The following EYA4 variants were observed in gnomAD, a reference collection of about 807,000 sequenced individuals.
The protein encoded by EYA4 is EYA transcriptional coactivator and phosphatase 4.
A neutral mutation model predicts 87.9 loss-of-function variants in EYA4; 31 were observed. The ratio of observed to expected loss-of-function variants is 0.35; its 90% CI spans 0.27 to 0.48. The LOEUF (loss-of-function observed/expected upper bound fraction) is 0.48, where lower values mean the gene tolerates loss of function less well. Ranked by LOEUF, EYA4 falls within the 20% of genes least tolerant of loss-of-function variation. The pLI is 0.99. For synonymous variants in EYA4, 263 were observed against 270.6 expected, an observed-to-expected ratio of 0.97 and a Z score of 0.28; for missense variants, 678 against 761.4, an observed-to-expected ratio of 0.89 and a Z score of 1.29.
intron 2 of EYA4, among the ~76,000 whole-genome samples, chr6:133,342,574 C>CATATATATATATATATATATATAT (rs56987430): frequency 4.0e-5 from 4 of 100,468 alleles, no homozygotes; most frequent in South Asian, 5.9e-4. Flanking sequence ...TACACACTGC[C>CATATATATATATATATATATATAT]ATATATATAT....
chr6:133,456,607 C>T lies in EYA4; in HGVS notation c.329C>T (p.Ala110Val), dbSNP rs746012898. Residue 110 changes from alanine to valine, a missense_variant, in exon 6 of 20, where the codon GCC (alanine) becomes GTC (valine). By Grantham distance (64) the Ala-to-Val change is moderately conservative. Transcript: ENST00000355286. Reference protein sequence around the residue: ...TEPLNSSETTATTGDGALDTF... With the variant: ...TEPLNSSETTVTTGDGALDTF... ...CCCTTGAACAGCAGTGAAACCACAG[C>T]CACGACTGGAGATGGAGCGCTTGAC... The T allele has an allele frequency of 1.9e-6, 3 of 1,613,494 alleles. No individual in the cohort carries two copies. Among genetic ancestry groups the T allele is most frequent in the East Asian group, 4.5e-5 (2 of 44,872 alleles).
intron 2 of EYA4, among the ~76,000 whole-genome samples, chr6:133,344,228 A>G (rs752672119): frequency 2.0e-5 from 3 of 152,350 alleles, no homozygotes; most frequent in South Asian, 2.1e-4. Flanking sequence ...CTTTGTCTAC[A>G]TGACTTGTCT....
chr6:133,369,211 A>T (rs1785079936), intron 2 of EYA4, among the ~76,000 whole-genome samples: 1 of 152,124 alleles, frequency 6.6e-6, no homozygotes, highest in African/African-American at 2.4e-5. Flanking sequence ...TATTTTTCAT[A>T]AGCTATTAGA....
In EYA4 at chr6:133,525,175, G is replaced by C. The variant is rs746014018; in HGVS notation, c.1760G>C (p.Arg587Pro). The C allele has an allele frequency of 2.5e-6, 4 of 1,613,734 alleles. No homozygotes were observed. Among genetic ancestry groups the C allele is most frequent in the Non-Finnish European group, 3.4e-6 (4 of 1,179,752 alleles). Reference sequence around the variant, plus strand: ...CCAGGAAAAGAAAGTTGCTTTGAACGAATAATGCAAAGGTTTGGCAGAAAA... The same window carrying C: ...CCAGGAAAAGAAAGTTGCTTTGAACCAATAATGCAAAGGTTTGGCAGAAAA... ...TKIGKESCFE[R>P]IMQRFGRKVV... The change falls in exon 19 of 20, where the codon CGA becomes CCA. Residue 587 changes from arginine (R) to proline (P), a missense_variant. Coordinates refer to ENST00000355286, the MANE Select transcript of EYA4 (RefSeq NM_004100.5).
At chr6:133,355,023 A>T (rs1322002732) in intron 2 of EYA4, among the ~76,000 whole-genome samples, 2 of 152,236 alleles carry the variant, frequency 1.3e-5, no homozygotes, top group Non-Finnish European at 2.9e-5. Flanking sequence ...CCTTTTGGGT[A>T]CATAGATATC....
intron 2 of EYA4, among the ~76,000 whole-genome samples, chr6:133,334,192 G>A (rs1033304647): frequency 6.6e-5 from 10 of 152,164 alleles, no homozygotes; most frequent in East Asian, 1.9e-4. Context: ...ACAGAAATTC[G>A]AATTAGCAGA....
intron 3 of EYA4, among the ~76,000 whole-genome samples, chr6:133,394,215 A>T (rs887188590): frequency 6.6e-6 from 1 of 150,494 alleles, no homozygotes; most frequent in Non-Finnish European, 1.5e-5. Context: ...ACTTTTTCTA[A>T]ATATTTACAT....
chr6:133,445,142 A>G (rs1792684369), intron 3 of EYA4, among the ~76,000 whole-genome samples: 1 of 152,130 alleles, frequency 6.6e-6, no homozygotes, highest in Non-Finnish European at 1.5e-5. Context: ...AGATTACTCC[A>G]TGTACCCTAA....
intron 3 of EYA4, among the ~76,000 whole-genome samples, chr6:133,383,275 A>C (rs1222310155): frequency 6.6e-6 from 1 of 152,136 alleles, no homozygotes; most frequent in Non-Finnish European, 1.5e-5. Flanking sequence ...GTTAATGGCC[A>C]AGGCCAAGGT....
chr6:133,269,517 G>GT (rs11405072), intron 1 of EYA4, among the ~76,000 whole-genome samples: 152,340 of 152,342 alleles, frequency 1, 76,169 homozygotes, highest in Middle Eastern at 1. Context: ...CTGTGTCTCT[G>GT]TTATATATGC....
Position 133,470,158 on chromosome 6 carries a change from C to A in EYA4, c.970+1427C>A, listed in dbSNP as rs571796593. On this transcript the variant is annotated intron_variant, in intron 11 of 19. Transcript: ENST00000355286. ...GCTTTTGGTGTTTTGGACATGAAGT[C>A]CTTGCCCACGCCTATGTCCTGAATG... is the stretch of plus-strand genomic sequence containing the variant. 3.0e-4 allele frequency among the ~76,000 whole-genome samples: 44 copies of A among 147,332 alleles called. No individual in the cohort carries two copies. In the South Asian group the frequency reaches 9.4e-3, roughly 31 times the overall value.
chr6:133,295,767 T>C (rs1170426652), intron 2 of EYA4, among the ~76,000 whole-genome samples: 2 of 152,214 alleles, frequency 1.3e-5, no homozygotes, highest in Non-Finnish European at 2.9e-5. Flanking sequence ...TACTCTGCTA[T>C]ATCATATTTA....
At chr6:133,335,947 A>G (rs1323994924) in intron 2 of EYA4, among the ~76,000 whole-genome samples, 1 of 152,186 alleles carries the variant, frequency 6.6e-6, no homozygotes, top group African/African-American at 2.4e-5. Context: ...CATAGGTTAG[A>G]GGCATTAATA....
intron 2 of EYA4, among the ~76,000 whole-genome samples, chr6:133,378,934 T>TGTGTGTGTGTGA (rs1205304037): frequency 1.6e-5 from 2 of 125,560 alleles, no homozygotes; most frequent in African/African-American, 5.1e-5. Context: ...TTGGTGTGTG[T>TGTGTGTGTGTGA]GTGTGTGTGT....
In EYA4 at chr6:133,412,719, C is replaced by T. The variant is rs148252543; in HGVS notation, c.83+30278C>T. On this transcript the variant is annotated intron_variant, in intron 3 of 19. Coordinates refer to ENST00000355286, the MANE Select transcript of EYA4 (RefSeq NM_004100.5). ...GAATGATCTTTGCTTGTTTCCTATT[C>T]AGCATAGATCTCATGGCTCACCTTT... is the stretch of plus-strand genomic sequence containing the variant. Among the ~76,000 whole-genome samples, 115 of 152,270 alleles carry T rather than the reference C, an allele frequency of 7.6e-4. 1 individual carries two copies. The highest frequency in any genetic ancestry group is 2.7e-3 in the African/African-American group (111 of 41,544).
At chr6:133,390,323 G>A (rs181105143) in intron 3 of EYA4, among the ~76,000 whole-genome samples, 1 of 152,016 alleles carries the variant, frequency 6.6e-6, no homozygotes, top group African/African-American at 2.4e-5. Context: ...AGGTTTGAGC[G>A]ATTCTCCTGC....
intron 1 of EYA4, among the ~76,000 whole-genome samples, chr6:133,265,863 A>G (rs912848793): frequency 3.9e-5 from 6 of 152,208 alleles, no homozygotes; most frequent in African/African-American, 1.4e-4. Flanking sequence ...TTATGCTCCA[A>G]TATCTTTCCT....
chr6:133,398,454 A>C (rs1787986183), intron 3 of EYA4, among the ~76,000 whole-genome samples: 1 of 152,212 alleles, frequency 6.6e-6, no homozygotes, highest in African/African-American at 2.4e-5. Context: ...CTGAATGACT[A>C]TAAGGACAGG....
chr6:133,355,160 G>A (rs1165532742), intron 2 of EYA4, among the ~76,000 whole-genome samples: 1 of 152,062 alleles, frequency 6.6e-6, no homozygotes, highest in Non-Finnish European at 1.5e-5. Flanking sequence ...GTGTCATGGA[G>A]GTTTGTTGTA....
Sources: allele counts gnomAD v4.1 joint callset (sites outside exome capture counted in the v4.1 genomes callset), GRCh38; gene constraint gnomAD v4.1.1; transcripts MANE v1.5; gene names NCBI Gene and HGNC (gene_info 2026-07-23, HGNC 2026-07-21).